The following SLC25A16 variants were observed in gnomAD, a reference collection of about 807,000 sequenced individuals.
SLC25A16 encodes mitochondrial coenzyme A transporter SLC25A16.
A neutral mutation model predicts 41.5 loss-of-function variants in SLC25A16; 39 were observed. The ratio of observed to expected loss-of-function variants is 0.94; its 90% CI spans 0.73 to 1.23. The LOEUF (loss-of-function observed/expected upper bound fraction) is 1.23, where lower values mean the gene tolerates loss of function less well. Among genes scored for constraint, SLC25A16 ranks in the 50% most tolerant of loss-of-function variants. The pLI is 0.00. For synonymous variants in SLC25A16, 146 were observed against 147.8 expected (o/e 0.99, Z 0.09); for missense variants, 421 against 426.9 (o/e 0.99, Z 0.12).
chr10:68,498,994 A>C (rs895883562), intron 4 of SLC25A16, among the ~76,000 whole-genome samples: 29 of 152,236 alleles, frequency 1.9e-4, no homozygotes, highest in Non-Finnish European at 4.3e-4. Flanking sequence ...TTGGCATGGA[A>C]GGATTAATAA....
intron 1 of SLC25A16, among the ~76,000 whole-genome samples, chr10:68,524,106 C>A (rs761797540): frequency 6.6e-6 from 1 of 151,734 alleles, no homozygotes; most frequent in Non-Finnish European, 1.5e-5. Context: ...GTCAGGAGAT[C>A]GAGACCATCC....
At chr10:68,508,802 T>G (rs2133563219) in intron 2 of SLC25A16, among the ~76,000 whole-genome samples, 2 of 152,112 alleles carry the variant, frequency 1.3e-5, no homozygotes, top group East Asian at 3.9e-4. Flanking sequence ...TCCAAAAGTG[T>G]TTGTAATAAT....
chr10:68,496,406 CA>C (rs1461590363), intron 4 of SLC25A16: 1 of 870,542 alleles, frequency 1.1e-6, no homozygotes, highest in African/African-American at 1.8e-5. Flanking sequence ...CCTCGATGTA[CA>C]AATAAGGCAA....
chr10:68,525,109 C>T (rs2133610180), intron 1 of SLC25A16, among the ~76,000 whole-genome samples: 1 of 152,172 alleles, frequency 6.6e-6, no homozygotes, highest in South Asian at 2.1e-4. Flanking sequence ...TATCTTTCTA[C>T]AAATCCTCAT....
At chr10:68,496,249 T>C (rs1349325561) in intron 4 of SLC25A16, among the ~76,000 whole-genome samples, 1 of 152,190 alleles carries the variant, frequency 6.6e-6, no homozygotes, top group Non-Finnish European at 1.5e-5. Flanking sequence ...CTGCTGCTAG[T>C]AATCAGACTG....
intron 2 of SLC25A16, among the ~76,000 whole-genome samples, chr10:68,511,597 T>C (rs9415909): frequency 0.052 from 7,849 of 152,286 alleles, 240 homozygotes; most frequent in South Asian, 0.09. Flanking sequence ...CACTGGGTAA[T>C]ATCATTCTTC....
chr10:68,510,490 C>T (rs113841246), intron 2 of SLC25A16, among the ~76,000 whole-genome samples: 1,974 of 149,436 alleles, frequency 0.013, 48 homozygotes, highest in African/African-American at 0.046. Flanking sequence ...TGCAGTGAGC[C>T]GAGATCGTGC....
chr10:68,512,808 C>T (rs1047192212), intron 2 of SLC25A16, among the ~76,000 whole-genome samples: 12 of 152,002 alleles, frequency 7.9e-5, no homozygotes, highest in Non-Finnish European at 1.3e-4. Flanking sequence ...GAGGCTGAGG[C>T]GGATGGATCA....
At chr10:68,502,488 TA>T (rs2052865953) in intron 4 of SLC25A16, among the ~76,000 whole-genome samples, 1 of 150,980 alleles carries the variant, frequency 6.6e-6, no homozygotes, top group Admixed American at 6.6e-5. Flanking sequence ...AATGAATATT[TA>T]AAAAACAGAA....
intron 3 of SLC25A16, among the ~76,000 whole-genome samples, 196 bp from the exon 4 acceptor site, chr10:68,503,891 T>C (rs1564919481): frequency 1.3e-5 from 2 of 152,120 alleles, no homozygotes; most frequent in Non-Finnish European, 1.5e-5. Flanking sequence ...TCCTCTGTAG[T>C]CTCTGCTTTA....
At chr10:68,492,256 T>G (rs2052671326) in intron 6 of SLC25A16, among the ~76,000 whole-genome samples, 1 of 152,200 alleles carries the variant, frequency 6.6e-6, no homozygotes. Flanking sequence ...TTGTTCATTG[T>G]TTCTGCTTTC....
rs117606073 is a variant in SLC25A16 at position 68,492,285 on chromosome 10, T to C, written c.610+847A>G. ...TGCTTTCTTCAACCCTTCCTCTATATAAAATCAACTCCTTCGGGTCTAGTC... is the reference window on the plus strand; with the variant it reads ...TGCTTTCTTCAACCCTTCCTCTATACAAAATCAACTCCTTCGGGTCTAGTC... On this transcript the variant is annotated intron_variant, in intron 6 of 8. Coordinates refer to ENST00000609923, the MANE Select transcript of SLC25A16 (RefSeq NM_152707.4). Among the ~76,000 whole-genome samples, 47 of 152,284 alleles carry C rather than the reference T, an allele frequency of 3.1e-4. No individual in the cohort carries two copies. The East Asian group carries it at 8.7e-3, about 28-fold the overall frequency.
chr10:68,493,169 A>C lies in SLC25A16; in HGVS notation c.573T>G (p.Gly191=). 6.3e-7 allele frequency: 1 copy of C among 1,599,064 alleles called. No individual in the cohort carries two copies. Among genetic ancestry groups the C allele is most frequent in the Non-Finnish European group, 8.5e-7 (1 of 1,175,368 alleles). Residue 191 remains glycine (G), a synonymous_variant, in exon 6 of 9, where the codon GGT becomes GGG. Transcript: ENST00000609923. ...KEGGFFGFYR[G]LMPTILGMAP... ...CCATTCCTAAAATAGTAGGCATCAG[A>C]CCTCTGTAAAATCCAAAGAAACCAC...
At chr10:68,508,306 C>T (rs1301435274) in intron 2 of SLC25A16, among the ~76,000 whole-genome samples, 1 of 146,792 alleles carries the variant, frequency 6.8e-6, no homozygotes, top group East Asian at 2.0e-4. Flanking sequence ...AAATGTATGA[C>T]TATAATAACA....
At chr10:68,489,899 C>CAAAA (rs71019017) in intron 6 of SLC25A16, among the ~76,000 whole-genome samples, 13 of 84,052 alleles carry the variant, frequency 1.5e-4, no homozygotes, top group African/African-American at 4.3e-4. Flanking sequence ...GACTCTGTCT[C>CAAAA]AAAAAAAAAA....
intron 7 of SLC25A16, 115 bp from the exon 8 acceptor site, chr10:68,487,327 T>A: frequency 1.3e-6 from 1 of 748,500 alleles, no homozygotes; most frequent in Non-Finnish European, 2.3e-6. Flanking sequence ...CTTATTGTTC[T>A]GTCTAACCTA....
chr10:68,507,331 A>C (rs2052975335), intron 2 of SLC25A16, among the ~76,000 whole-genome samples: 1 of 151,988 alleles, frequency 6.6e-6, no homozygotes, highest in South Asian at 2.1e-4. Flanking sequence ...TCGGCCTCCC[A>C]AAGTGCTGGG....
chr10:68,495,361 G>C (rs920474236), intron 4 of SLC25A16, among the ~76,000 whole-genome samples: 7 of 152,070 alleles, frequency 4.6e-5, no homozygotes, highest in Non-Finnish European at 1.0e-4. Flanking sequence ...GTTGCGGTGA[G>C]CCAAGATGAC....
intron 1 of SLC25A16, chr10:68,517,719 A>C (rs2053182559): frequency 6.6e-6 from 1 of 152,206 alleles, no homozygotes; most frequent in Non-Finnish European, 1.5e-5. Context: ...CTGCAATCCC[A>C]GCACTTTGGC....
Sources: gnomAD v4.1 joint callset for allele counts (sites outside exome capture counted in the v4.1 genomes callset) on GRCh38, gnomAD v4.1.1 for gene constraint, MANE v1.5 for transcripts, NCBI Gene and HGNC (gene_info 2026-07-23, HGNC 2026-07-21) for gene names.